PALM2AKAP2: variants seen among roughly 807,000 people sequenced by gnomAD.
PALM2AKAP2 encodes PALM2-AKAP2 fusion protein.
In PALM2AKAP2, 37 loss-of-function variants were observed where a neutral mutation model predicts 71.5. That is an observed-to-expected ratio of 0.52 (90% CI 0.40 to 0.68). PALM2AKAP2 has a LOEUF of 0.68. PALM2AKAP2 is among the 30% of genes least tolerant of loss of function. The pLI is 0.00. For synonymous variants in PALM2AKAP2, 468 were observed against 478.8 expected, an observed-to-expected ratio of 0.98 and a Z score of 0.29; for missense variants, 1,224 against 1,191.8, an observed-to-expected ratio of 1.03 and a Z score of -0.40.
At chr9:109,963,906 G>A (rs750222795) in intron 6 of PALM2AKAP2, among the ~76,000 whole-genome samples, 18 of 152,214 alleles carry the variant, frequency 1.2e-4, no homozygotes, top group Non-Finnish European at 2.5e-4. Context: ...CACCATGGGT[G>A]TGCAAGGCCT....
chr9:109,845,440 G>A (rs543219037), intron 1 of PALM2AKAP2, among the ~76,000 whole-genome samples: 1 of 152,348 alleles, frequency 6.6e-6, no homozygotes, highest in East Asian at 1.9e-4. Flanking sequence ...TTATGGGCTA[G>A]GCTGTGCTAA....
chr9:110,009,437 G>C (rs928369115), intron 6 of PALM2AKAP2, among the ~76,000 whole-genome samples: 2 of 152,024 alleles, frequency 1.3e-5, no homozygotes, highest in African/African-American at 4.8e-5. Context: ...AAAGTTGGCC[G>C]GGCGCGGTGG....
chr9:109,854,502 T>C (rs952619309), intron 1 of PALM2AKAP2, among the ~76,000 whole-genome samples: 1 of 152,174 alleles, frequency 6.6e-6, no homozygotes, highest in African/African-American at 2.4e-5. Context: ...ATATTACATT[T>C]TCCATGTTAG....
intron 7 of PALM2AKAP2, among the ~76,000 whole-genome samples, chr9:110,038,736 C>T (rs929407980): frequency 3.3e-5 from 5 of 151,150 alleles, no homozygotes; most frequent in South Asian, 2.1e-4. Context: ...GTCAGGAGTT[C>T]GAGACTGGCC....
At chr9:110,114,872 T>G (rs941296228) in intron 1 of PALM2AKAP2, among the ~76,000 whole-genome samples, 1 of 152,204 alleles carries the variant, frequency 6.6e-6, no homozygotes, top group African/African-American at 2.4e-5. Flanking sequence ...CTCCTGGGAT[T>G]CCACAGTCGG....
intron 6 of PALM2AKAP2, among the ~76,000 whole-genome samples, chr9:109,941,080 T>C (rs979874867): frequency 3.3e-5 from 5 of 151,966 alleles, no homozygotes; most frequent in African/African-American, 1.2e-4. Context: ...CTCTCTTTCT[T>C]CTTCTCCTTC....
chr9:109,902,496 G>C (rs1830352088), intron 3 of PALM2AKAP2, among the ~76,000 whole-genome samples: 1 of 152,228 alleles, frequency 6.6e-6, no homozygotes, highest in South Asian at 2.1e-4. Context: ...CATACAGTGA[G>C]CCATCATTGT....
chr9:109,929,639 C>T (rs1030673847), intron 5 of PALM2AKAP2, among the ~76,000 whole-genome samples: 12 of 151,736 alleles, frequency 7.9e-5, no homozygotes, highest in Non-Finnish European at 1.5e-4. Context: ...CCGAGGCGGG[C>T]GGATCATGAG....
At chr9:110,014,643 C>A (rs1293546778) in intron 6 of PALM2AKAP2, among the ~76,000 whole-genome samples, 2 of 150,622 alleles carry the variant, frequency 1.3e-5, no homozygotes, top group Admixed American at 1.3e-4. Context: ...TGTGGTGGCA[C>A]ATACCTGTAA....
At chr9:109,897,131 A>C (rs1830220651) in intron 3 of PALM2AKAP2, among the ~76,000 whole-genome samples, 1 of 152,242 alleles carries the variant, frequency 6.6e-6, no homozygotes, top group Non-Finnish European at 1.5e-5. Context: ...GAGGGTTAAG[A>C]GTAAGCATTC....
At chr9:110,110,647 A>G (rs1835227594) in intron 1 of PALM2AKAP2, among the ~76,000 whole-genome samples, 1 of 149,664 alleles carries the variant, frequency 6.7e-6, no homozygotes, top group African/African-American at 2.5e-5. Context: ...CCCGGGTTCA[A>G]GCGATTCTCC....
intron 1 of PALM2AKAP2, among the ~76,000 whole-genome samples, chr9:110,109,012 T>A (rs758321334): frequency 6.6e-6 from 1 of 151,918 alleles, no homozygotes; most frequent in Non-Finnish European, 1.5e-5. Flanking sequence ...AGCAGGGTGG[T>A]ACGTTGTTAA....
chr9:109,867,622 A>C (rs867462801), intron 2 of PALM2AKAP2, 51 bp downstream of exon 2: 1 of 1,571,444 alleles, frequency 6.4e-7, no homozygotes, highest in African/African-American at 1.4e-5. Context: ...TGCAGATCAC[A>C]CTCCGGAGAG....
chr9:109,843,601 A>G (rs1007378508), intron 1 of PALM2AKAP2, among the ~76,000 whole-genome samples: 3 of 152,212 alleles, frequency 2.0e-5, no homozygotes, highest in African/African-American at 7.2e-5. Flanking sequence ...ACCACTCTGC[A>G]TAATAAATGT....
chr9:110,104,259 G>A (rs1045621990), intron 1 of PALM2AKAP2, among the ~76,000 whole-genome samples: 1 of 152,070 alleles, frequency 6.6e-6, no homozygotes, highest in African/African-American at 2.4e-5. Flanking sequence ...TTTTTGTTGG[G>A]ATTTCAGATG....
intron 1 of PALM2AKAP2, among the ~76,000 whole-genome samples, chr9:109,661,957 G>T (rs79152311): frequency 1.2e-4 from 18 of 152,088 alleles, no homozygotes; most frequent in Admixed American, 2.6e-4. Context: ...TCATGATTTG[G>T]CTCTCTGTTT....
chr9:109,992,790 G>C (rs1177931851), intron 6 of PALM2AKAP2, among the ~76,000 whole-genome samples: 2 of 151,954 alleles, frequency 1.3e-5, no homozygotes, highest in African/African-American at 4.8e-5. Context: ...AATGCTATGA[G>C]TCCTGTAGTA....
chr9:109,710,694 A>G (rs1017224988), intron 1 of PALM2AKAP2, among the ~76,000 whole-genome samples: 2 of 152,076 alleles, frequency 1.3e-5, no homozygotes, highest in African/African-American at 2.4e-5. Flanking sequence ...ACAGATATTT[A>G]TTTCCTGTCC....
At chr9:109,675,983 G>A (rs769164444) in intron 1 of PALM2AKAP2, among the ~76,000 whole-genome samples, 2 of 151,986 alleles carry the variant, frequency 1.3e-5, no homozygotes, top group Admixed American at 6.6e-5. Context: ...ATAAAATATC[G>A]AAAGATACCA....
Sources: gnomAD v4.1 joint callset for allele counts (sites outside exome capture counted in the v4.1 genomes callset) on GRCh38, gnomAD v4.1.1 for gene constraint, MANE v1.5 for transcripts, NCBI Gene and HGNC (gene_info 2026-07-23, HGNC 2026-07-21) for gene names.